The following PITPNC1 variants were observed in gnomAD, a reference collection of about 807,000 sequenced individuals.
The protein encoded by PITPNC1 is phosphatidylinositol transfer protein cytoplasmic 1.
A neutral mutation model predicts 44.7 loss-of-function variants in PITPNC1; 18 were observed. The observed-to-expected ratio is 0.40, with a 90% CI of 0.28 to 0.60. The LOEUF (loss-of-function observed/expected upper bound fraction) is 0.60. Ranked by LOEUF, PITPNC1 falls within the 20% of genes least tolerant of loss-of-function variation. The pLI is 0.39. For missense variants in PITPNC1, 290 were observed against 418.4 expected (o/e 0.69, Z 2.68); for synonymous variants, 141 against 149.6 (o/e 0.94, Z 0.42).
intron 1 of PITPNC1, among the ~76,000 whole-genome samples, chr17:67,493,186 G>A (rs1225131803): frequency 6.6e-6 from 1 of 152,194 alleles, no homozygotes; most frequent in African/African-American, 2.4e-5. Context: ...AGGTCCAAAT[G>A]TTGAACGCAG....
At chr17:67,631,657 A>AATATATATATATATAT (rs1555574521) in intron 5 of PITPNC1, among the ~76,000 whole-genome samples, 118 of 7,650 alleles carry the variant, frequency 0.015, 4 homozygotes, top group East Asian at 0.028. Flanking sequence ...AAAAAAAAAA[A>AATATATATATATATAT]ATATATATAT....
chr17:67,548,020 C>G (rs974566551), intron 2 of PITPNC1, among the ~76,000 whole-genome samples: 1 of 152,192 alleles, frequency 6.6e-6, no homozygotes, highest in African/African-American at 2.4e-5. Context: ...CCTCTCTCTG[C>G]TCAGTAGATG....
In PITPNC1 at chr17:67,418,355, G is replaced by A. The variant is rs535301672; in HGVS notation, c.48+40153G>A. Among the ~76,000 whole-genome samples, 4 of 152,312 alleles carry A rather than the reference G, an allele frequency of 2.6e-5. 1 individual carries two copies. The highest frequency in any genetic ancestry group is 9.6e-5 in the African/African-American group (4 of 41,568). On this transcript the variant is annotated intron_variant, in intron 1 of 8. Coordinates refer to ENST00000581322, the MANE Select transcript of PITPNC1 (RefSeq NM_012417.4). The stretch of plus-strand genomic sequence containing the variant: ...AAATGGAATATTCTAACTTTGCTTA[G>A]TAAGTAAATACTGACCCAAAGATAA...
intron 8 of PITPNC1, among the ~76,000 whole-genome samples, chr17:67,685,464 A>T (rs1038238814): frequency 6.6e-6 from 1 of 152,252 alleles, no homozygotes; most frequent in African/African-American, 2.4e-5. Context: ...AATGAAGAGG[A>T]TCTCACATGA....
At chr17:67,483,056 C>CTA (rs1401587481) in intron 1 of PITPNC1, among the ~76,000 whole-genome samples, 1 of 152,154 alleles carries the variant, frequency 6.6e-6, no homozygotes, top group Non-Finnish European at 1.5e-5. Context: ...CTGGTAGAAA[C>CTA]TCCTTTCACA....
chr17:67,568,537 T>A (rs1045364303), intron 4 of PITPNC1, among the ~76,000 whole-genome samples: 3 of 152,182 alleles, frequency 2.0e-5, no homozygotes, highest in Non-Finnish European at 2.9e-5. Context: ...ATTTTATTTT[T>A]TTAGAGATGG....
rs1555574522 is a variant in PITPNC1 at position 67,631,657 on chromosome 17, A to AAAAATATAT, written c.367-485_367-484insAAATATATA. On this transcript the variant is annotated intron_variant, in intron 5 of 8. Transcript: ENST00000581322. ...AACCAAAAAAAAAAAAAAAAAAAAA[A>AAAAATATAT]ATATATATATATATAAAATATATAT... Among the ~76,000 whole-genome samples the AAAAATATAT allele has an allele frequency of 7.8e-3, 60 of 7,674 alleles. 3 individuals carry two copies. The highest frequency in any genetic ancestry group is 0.021 in the African/African-American group (57 of 2,712). 5.0% of individuals were successfully genotyped at this position (7,674 alleles called of 152,430 possible).
At chr17:67,450,889 C>A (rs533147994) in intron 1 of PITPNC1, among the ~76,000 whole-genome samples, 1 of 152,146 alleles carries the variant, frequency 6.6e-6, no homozygotes, top group Non-Finnish European at 1.5e-5. Context: ...CTCTGGTAAC[C>A]TTTATCCTAT....
intron 1 of PITPNC1, among the ~76,000 whole-genome samples, chr17:67,512,787 A>G (rs935324754): frequency 4.6e-5 from 7 of 151,336 alleles, no homozygotes; most frequent in Non-Finnish European, 8.8e-5. Context: ...TTTTTTTACC[A>G]TAAGAAAAGC....
At chr17:67,667,861 TC>T (rs1414425198) in intron 6 of PITPNC1, among the ~76,000 whole-genome samples, 1 of 151,990 alleles carries the variant, frequency 6.6e-6, no homozygotes, top group Admixed American at 6.6e-5. Flanking sequence ...GTGCCTGTGA[TC>T]CCAGCTACTT....
intron 1 of PITPNC1, among the ~76,000 whole-genome samples, chr17:67,456,621 C>T (rs1414034897): frequency 6.6e-6 from 1 of 152,172 alleles, no homozygotes; most frequent in South Asian, 2.1e-4. Context: ...ACCCTATCAC[C>T]TCCCCCACCC....
intron 4 of PITPNC1, among the ~76,000 whole-genome samples, chr17:67,572,463 T>A: frequency 1.8e-5 from 1 of 56,054 alleles, no homozygotes; most frequent in East Asian, 1.4e-3. Context: ...AGAAGCTGGG[T>A]AAAGCGGGGG....
intron 2 of PITPNC1, among the ~76,000 whole-genome samples, chr17:67,548,100 C>T (rs1281893396): frequency 6.6e-6 from 1 of 152,126 alleles, no homozygotes; most frequent in African/African-American, 2.4e-5. Flanking sequence ...TGCCAGGTGT[C>T]TCCTGCAGGA....
At chr17:67,608,019 C>T (rs1039449603) in intron 5 of PITPNC1, among the ~76,000 whole-genome samples, 1 of 151,962 alleles carries the variant, frequency 6.6e-6, no homozygotes, top group Non-Finnish European at 1.5e-5. Context: ...CATGAGCCAC[C>T]GGCCCCGGCC....
At chr17:67,682,233 C>T (rs2042722573) in intron 8 of PITPNC1, among the ~76,000 whole-genome samples, 1 of 152,030 alleles carries the variant, frequency 6.6e-6, no homozygotes, top group South Asian at 2.1e-4. Flanking sequence ...ATACAAATTG[C>T]CCATGAATAC....
chr17:67,644,029 G>A (rs921886076), intron 6 of PITPNC1, among the ~76,000 whole-genome samples: 55 of 152,122 alleles, frequency 3.6e-4, no homozygotes, highest in African/African-American at 1.3e-3. Context: ...ATCCTCCGCC[G>A]GCTCAGCAAG....
intron 5 of PITPNC1, among the ~76,000 whole-genome samples, chr17:67,626,659 A>G (rs139921937): frequency 0.066 from 10,088 of 152,078 alleles, 1,107 homozygotes; most frequent in African/African-American, 0.23. Context: ...GTGAGCCACC[A>G]TGCCCGGCCA....
chr17:67,608,958 C>T (rs2041651885), intron 5 of PITPNC1, among the ~76,000 whole-genome samples: 1 of 152,184 alleles, frequency 6.6e-6, no homozygotes, highest in African/African-American at 2.4e-5. Flanking sequence ...AATACTGAGT[C>T]ATTGTGGACT....
chr17:67,621,984 C>A (rs1166333548), intron 5 of PITPNC1, among the ~76,000 whole-genome samples: 1 of 152,038 alleles, frequency 6.6e-6, no homozygotes, highest in Non-Finnish European at 1.5e-5. Context: ...TTTGCACCAA[C>A]CTAATATTTA....
Sources: gnomAD v4.1 joint callset for allele counts (sites outside exome capture counted in the v4.1 genomes callset) on GRCh38, gnomAD v4.1.1 for gene constraint, MANE v1.5 for transcripts, NCBI Gene and HGNC (gene_info 2026-07-23, HGNC 2026-07-21) for gene names.